Variants in MLLT3 observed in about 807,000 individuals in gnomAD.
MLLT3 encodes the protein protein AF-9.
MLLT3 carries 4 observed loss-of-function variants against 53.2 expected under a neutral mutation model. The observed-to-expected ratio is 0.08, with a 90% confidence interval of 0.04 to 0.17. The LOEUF is 0.17. Ranked by LOEUF, MLLT3 falls within the 10% of genes least tolerant of loss-of-function variation. The pLI, the probability that MLLT3 is intolerant of heterozygous loss-of-function variation, is 1.00. For missense variants in MLLT3, 569 were observed against 684.0 expected (o/e 0.83, Z 1.87); for synonymous variants, 283 against 230.6 (o/e 1.23, Z -2.06).
chr9:20,547,622 CA>C (rs1818821064), intron 2 of MLLT3, among the ~76,000 whole-genome samples: 1 of 123,778 alleles, frequency 8.1e-6, no homozygotes, highest in African/African-American at 3.1e-5. Context: ...CCAGCCTGGA[CA>C]ACAAGAGTGA....
intron 5 of MLLT3, among the ~76,000 whole-genome samples, chr9:20,389,476 T>A (rs1019522134): frequency 6.6e-6 from 1 of 152,132 alleles, no homozygotes; most frequent in Non-Finnish European, 1.5e-5. Context: ...TTCTGGAATA[T>A]ACTAAAAACC....
Position 20,413,994 on chromosome 9 carries a change from C to T in MLLT3, c.852G>A (p.Arg284=). ...SGQDKKAPSK[R]PPISDSEELS... is the part of the protein sequence containing the mutation. ...GTTCTTCAGAATCTGAAATGGGCGG[C>T]CTTTTACTAGGAGCCTTCTTATCTT... Residue 284 remains arginine (R), a synonymous_variant, in exon 5 of 11, where the codon AGG becomes AGA. Transcript: ENST00000380338. 1.2e-6 allele frequency: 2 copies of T among 1,614,126 alleles called. No homozygotes were observed.
intron 5 of MLLT3, among the ~76,000 whole-genome samples, chr9:20,396,325 G>A (rs1364004838): frequency 2.0e-5 from 3 of 151,944 alleles, no homozygotes; most frequent in African/African-American, 7.3e-5. Flanking sequence ...AGGTTCTACT[G>A]GAATTTACAG....
chr9:20,355,108 A>C (rs67023953), intron 8 of MLLT3, among the ~76,000 whole-genome samples: 3,289 of 151,592 alleles, frequency 0.022, 58 homozygotes, highest in Non-Finnish European at 0.033. Flanking sequence ...AAAAAAAAAA[A>C]AAAAAAAAAC....
At chr9:20,490,223 G>A (rs1406103542) in intron 2 of MLLT3, among the ~76,000 whole-genome samples, 2 of 152,168 alleles carry the variant, frequency 1.3e-5, no homozygotes, top group African/African-American at 4.8e-5. Context: ...CTATTGTGAA[G>A]GGATTCTGCA....
intron 5 of MLLT3, among the ~76,000 whole-genome samples, chr9:20,387,574 G>A (rs754712011): frequency 6.6e-6 from 1 of 152,186 alleles, no homozygotes; most frequent in Non-Finnish European, 1.5e-5. Context: ...CTGCAAAATA[G>A]CAGTGTTCTG....
chr9:20,429,545 A>AG (rs199794522), intron 4 of MLLT3, among the ~76,000 whole-genome samples: 99 of 134,900 alleles, frequency 7.3e-4, no homozygotes, highest in Admixed American at 5.0e-3. Context: ...ATCCAATTGT[A>AG]GGGGGGAAAA....
At chr9:20,503,218 A>G (rs943758927) in intron 2 of MLLT3, among the ~76,000 whole-genome samples, 2 of 152,224 alleles carry the variant, frequency 1.3e-5, no homozygotes, top group African/African-American at 2.4e-5. Context: ...TGGAACCACG[A>G]AAGACCCCAA....
intron 2 of MLLT3, among the ~76,000 whole-genome samples, chr9:20,492,072 G>A (rs1434682025): frequency 3.9e-5 from 6 of 151,992 alleles, no homozygotes; most frequent in African/African-American, 1.2e-4. Context: ...AAAAAGAGAT[G>A]ATTTCTAGCC....
chr9:20,511,806 A>G (rs1459441495), intron 2 of MLLT3, among the ~76,000 whole-genome samples: 1 of 152,164 alleles, frequency 6.6e-6, no homozygotes, highest in Non-Finnish European at 1.5e-5. Flanking sequence ...CCTCTTCAGC[A>G]AGTAAAGCTT....
chr9:20,433,306 G>A (rs1336481543), intron 4 of MLLT3, among the ~76,000 whole-genome samples: 1 of 152,054 alleles, frequency 6.6e-6, no homozygotes, highest in Admixed American at 6.5e-5. Flanking sequence ...GCCAAGTCAG[G>A]AAAATTAAAT....
chr9:20,535,626 A>G (rs1818461940), intron 2 of MLLT3, among the ~76,000 whole-genome samples: 1 of 152,236 alleles, frequency 6.6e-6, no homozygotes, highest in African/African-American at 2.4e-5. Flanking sequence ...TTCGCTCAGC[A>G]GGAAGAGACT....
At chr9:20,563,885 T>C (rs1819282891) in intron 2 of MLLT3, among the ~76,000 whole-genome samples, 1 of 152,160 alleles carries the variant, frequency 6.6e-6, no homozygotes, top group African/African-American at 2.4e-5. Flanking sequence ...GCCACAAGTT[T>C]TCATTATCCA....
chr9:20,444,967 T>C (rs1823658470), intron 4 of MLLT3, among the ~76,000 whole-genome samples: 1 of 152,024 alleles, frequency 6.6e-6, no homozygotes, highest in Non-Finnish European at 1.5e-5. Context: ...GGCGTGCATC[T>C]GTAGTCACAG....
chr9:20,529,711 G>T (rs1194640365), intron 2 of MLLT3, among the ~76,000 whole-genome samples: 2 of 143,210 alleles, frequency 1.4e-5, no homozygotes, highest in Non-Finnish European at 3.0e-5. Flanking sequence ...TAGAAAAGAT[G>T]ATTAATCCAA....
chr9:20,536,647 A>C (rs1009354575), intron 2 of MLLT3, among the ~76,000 whole-genome samples: 25 of 152,188 alleles, frequency 1.6e-4, no homozygotes, highest in Middle Eastern at 3.2e-3. Context: ...TACTGTAATC[A>C]AAGTCCCTTC....
Position 20,448,345 on chromosome 9 carries a change from A to C in MLLT3, c.277-79T>G, listed in dbSNP as rs1823757357. On this transcript the variant is annotated intron_variant, in intron 3 of 10. Coordinates refer to ENST00000380338, the MANE Select transcript of MLLT3 (RefSeq NM_004529.4). This position sits in a 1 kb window ranked among gnomAD's most constrained non-coding sequence, Gnocchi z 4.0. ...TTTTAAAAGCAAAAATTTACTCCTC[A>C]TAAGAAATAGAAAAGAACTAAGACA... 2 of 1,375,544 alleles carry C rather than the reference A, an allele frequency of 1.5e-6. No individual in the cohort carries two copies. The highest frequency in any genetic ancestry group is 2.0e-6 in the Non-Finnish European group (2 of 991,002). The allele number at this position is 1,375,544 out of a possible 1,614,324, so 85.2% of individuals were successfully genotyped here. A position where few individuals can be genotyped will look rare whatever the true frequency, so the allele number is the denominator to read the frequency against.
chr9:20,479,746 A>C (rs781077685), intron 2 of MLLT3, among the ~76,000 whole-genome samples: 1 of 152,238 alleles, frequency 6.6e-6, no homozygotes, highest in African/African-American at 2.4e-5. Context: ...TATTCTATAC[A>C]TAATAAAAAT....
intron 2 of MLLT3, among the ~76,000 whole-genome samples, chr9:20,587,924 T>C (rs1157152712): frequency 9.9e-5 from 15 of 152,166 alleles, no homozygotes; most frequent in Admixed American, 8.5e-4. Context: ...CCCATGCCTA[T>C]GTCCTGAATG....
Sources: gnomAD v4.1 joint callset for allele counts (sites outside exome capture counted in the v4.1 genomes callset) on GRCh38, gnomAD v4.1.1 for gene constraint, Gnocchi (gnomAD v3.1) non-coding constraint, MANE v1.5 for transcripts, NCBI Gene and HGNC (gene_info 2026-07-23, HGNC 2026-07-21) for gene names.